Variants in PHYHIP observed in about 807,000 individuals in gnomAD.
PHYHIP encodes the protein phytanoyl-CoA hydroxylase-interacting protein.
PHYHIP carries 7 observed loss-of-function variants against 26.1 expected under a neutral mutation model. The ratio of observed to expected loss-of-function variants is 0.27; its 90% CI spans 0.15 to 0.50. PHYHIP has a LOEUF of 0.50. Among genes scored for constraint, PHYHIP ranks in the 20% least tolerant of loss-of-function variants. The pLI is 0.98. For missense variants in PHYHIP, 232 were observed against 454.7 expected (o/e 0.51, Z 4.45); for synonymous variants, 206 against 183.4 (o/e 1.12, Z -1.00).
In PHYHIP at chr8:22,221,043, A is replaced by C; in HGVS notation, c.*310T>G. Reference sequence around the variant, plus strand: ...GGAGGTGGGCAGGTCTTTGGGAGATAGAGACCTGGACGAGGCAAAGAACAG... The same window carrying C: ...GGAGGTGGGCAGGTCTTTGGGAGATCGAGACCTGGACGAGGCAAAGAACAG... On this transcript the variant is annotated 3_prime_UTR_variant, in exon 5 of 5. Transcript: ENST00000454243. The surrounding 1 kb of genome is among the most constrained non-coding windows in gnomAD (Gnocchi z 7.9). 6.3e-6 allele frequency: 2 copies of C among 317,884 alleles called. No individual in the cohort carries two copies. The highest frequency in any genetic ancestry group is 1.2e-5 in the Non-Finnish European group (2 of 171,618). 19.7% of individuals were successfully genotyped at this position (317,884 alleles called of 1,614,324 possible). A position where few individuals can be genotyped will look rare whatever the true frequency, so the allele number is the denominator to read the frequency against.
chr8:22,221,593 G>T lies in PHYHIP; in HGVS notation c.753C>A (p.Arg251=). Residue 251 remains arginine (R), a synonymous_variant, in exon 5 of 5, where the codon CGC becomes CGA. Transcript: ENST00000454243. This position sits in a 1 kb window ranked among gnomAD's most constrained non-coding sequence, Gnocchi z 7.9. ...CAATGTCCAGGAGGGGCAGGCGGTC[G>T]CGGCAGAAGCGGTCCCCCAGGGAGC... is the stretch of plus-strand genomic sequence containing the variant. ...PKGSLGDRFC[R]DRLPLLDIAC... The T allele has an allele frequency of 1.2e-6, 2 of 1,613,946 alleles. No individual in the cohort carries two copies. Among genetic ancestry groups the T allele is most frequent in the Non-Finnish European group, 1.7e-6 (2 of 1,179,954 alleles).
chr8:22,230,250 C>G (rs1586495969), intron 1 of PHYHIP, among the ~76,000 whole-genome samples: 1 of 152,040 alleles, frequency 6.6e-6, no homozygotes, highest in Middle Eastern at 3.4e-3. Context: ...CACTCCTACC[C>G]AAGAGGCCCT....
At position 22,226,879 on chromosome 8, in the gene PHYHIP, C is replaced by G; in HGVS notation, c.312G>C (p.Trp104Cys). ...QSDGEYLVSG[W>C]SETVEFCTGD... ...CAGTGCAGAACTCCACCGTCTCGCTCCAGCCGGACACCAGGTACTCCCCAT... is the reference window on the plus strand; with the variant it reads ...CAGTGCAGAACTCCACCGTCTCGCTGCAGCCGGACACCAGGTACTCCCCAT... The change falls in exon 3 of 5, where the codon TGG (tryptophan) becomes TGC (cysteine). Residue 104 changes from tryptophan to cysteine, a missense_variant. By Grantham distance (215) the Trp-to-Cys change is radical. Transcript: ENST00000454243. 6.2e-7 allele frequency: 1 copy of G among 1,613,966 alleles called. No individual in the cohort carries two copies. The highest frequency in any genetic ancestry group is 8.5e-7 in the Non-Finnish European group (1 of 1,179,944).
At chr8:22,224,004 T>A (rs1216845105) in intron 4 of PHYHIP, 5 of 530,942 alleles carry the variant, frequency 9.4e-6, no homozygotes, top group African/African-American at 5.7e-5. Flanking sequence ...TACAACACTC[T>A]TGCAGAAGGC....
chr8:22,224,676 G>A (rs1379779088), intron 3 of PHYHIP, among the ~76,000 whole-genome samples: 1 of 152,194 alleles, frequency 6.6e-6, no homozygotes, highest in Non-Finnish European at 1.5e-5. Context: ...ATCCTCATGT[G>A]AAAAGAGGAC....
At chr8:22,223,207 C>A (rs1239600510) in intron 4 of PHYHIP, among the ~76,000 whole-genome samples, 1 of 151,798 alleles carries the variant, frequency 6.6e-6, no homozygotes, top group Non-Finnish European at 1.5e-5. Flanking sequence ...ATTAAAAATA[C>A]AAAAATTAGC....
intron 2 of PHYHIP, chr8:22,227,588 G>T: frequency 2.2e-6 from 1 of 456,412 alleles, no homozygotes; most frequent in Non-Finnish European, 4.4e-6. Context: ...AGCTTGAGAG[G>T]ATGGGGGTCT....
At chr8:22,226,449 C>A (rs929292500) in intron 3 of PHYHIP, among the ~76,000 whole-genome samples, 3 of 152,128 alleles carry the variant, frequency 2.0e-5, no homozygotes, top group Non-Finnish European at 4.4e-5. Context: ...GTTCTGGAGA[C>A]TGGCTGTACA....
At chr8:22,225,834 A>G (rs942038701) in intron 3 of PHYHIP, among the ~76,000 whole-genome samples, 3 of 151,872 alleles carry the variant, frequency 2.0e-5, no homozygotes, top group Admixed American at 1.3e-4. Flanking sequence ...CAGAAGGAGA[A>G]AAAAAAGAAA....
intron 2 of PHYHIP, 145 bp from the exon 3 acceptor site, chr8:22,227,170 T>C (rs570423029): frequency 2.7e-6 from 2 of 729,956 alleles, no homozygotes; most frequent in African/African-American, 1.8e-5. Flanking sequence ...CTCCATACCC[T>C]GGCCACCATT....
In PHYHIP at chr8:22,221,392, G is replaced by A. The variant is rs772111883; in HGVS notation, c.954C>T (p.Asp318=). The change falls in exon 5 of 5, where the codon GAC becomes GAT. Residue 318 remains aspartate, a synonymous_variant. Coordinates refer to ENST00000454243, the MANE Select transcript of PHYHIP (RefSeq NM_014759.5). This position sits in a 1 kb window ranked among gnomAD's most constrained non-coding sequence, Gnocchi z 7.9. ...MSLSTADAKK[D]PSCKTCNISV... The stretch of plus-strand genomic sequence containing the variant: ...TGATGTTGCAGGTCTTGCAGCTGGG[G>A]TCCTTCTTGGCATCGGCAGTAGACA... The A allele has an allele frequency of 1.4e-5, 22 of 1,607,388 alleles. No individual in the cohort carries two copies. Among genetic ancestry groups the A allele is most frequent in the Non-Finnish European group, 1.7e-6 (2 of 1,175,240 alleles).
intron 1 of PHYHIP, among the ~76,000 whole-genome samples, chr8:22,229,656 C>T (rs1829828754): frequency 6.6e-6 from 1 of 152,174 alleles, no homozygotes; most frequent in Non-Finnish European, 1.5e-5. Context: ...TTTCCAATCC[C>T]TTCCTCCAGC....
Position 22,223,972 on chromosome 8 carries a change from C to T in PHYHIP, c.458+254G>A. On this transcript the variant is annotated intron_variant, in intron 4 of 4. Transcript: ENST00000454243. ...TCCCAGAGTGGGAGCAAACCCAGACCTCATTCTCCCAGGCTCATTAGTACA... is the reference window on the plus strand; with the variant it reads ...TCCCAGAGTGGGAGCAAACCCAGACTTCATTCTCCCAGGCTCATTAGTACA... The T allele has an allele frequency of 8.9e-6, 4 of 448,742 alleles. No homozygotes were observed. The South Asian group carries it at 1.1e-4, about 12-fold the overall frequency. The allele number at this position is 448,742 out of a possible 1,614,324, so 27.8% of individuals were successfully genotyped here.
chr8:22,224,947 G>A (rs563359178), intron 3 of PHYHIP, among the ~76,000 whole-genome samples: 1 of 152,270 alleles, frequency 6.6e-6, no homozygotes, highest in African/African-American at 2.4e-5. Flanking sequence ...GAACCCTGGG[G>A]CCCCAGCAAG....
Position 22,226,945 on chromosome 8 carries a change from C to A in PHYHIP, c.246G>T (p.Thr82=). 1 of 1,614,102 alleles carries A rather than the reference C, an allele frequency of 6.2e-7. No individual in the cohort carries two copies. The highest frequency in any genetic ancestry group is 8.5e-7 in the Non-Finnish European group (1 of 1,180,032). The change falls in exon 3 of 5, where the codon ACG becomes ACT. Residue 82 remains threonine (T), a synonymous_variant. Transcript: ENST00000454243. ...CCGTCTGCACGGCCACACTGTACTC[C>A]GTGCGGGGGCTCAGGAACCAGTGGC... ...VRGHWFLSPR[T]EYSVAVQTAV... is the part of the protein sequence containing the mutation.
At chr8:22,227,589 A>G (rs1041664415) in intron 2 of PHYHIP, 1 of 456,184 alleles carries the variant, frequency 2.2e-6, no homozygotes, top group African/African-American at 2.0e-5. Flanking sequence ...GCTTGAGAGG[A>G]TGGGGGTCTT....
intron 4 of PHYHIP, 135 bp from the exon 5 acceptor site, chr8:22,222,022 T>C: frequency 1.5e-6 from 1 of 675,876 alleles, no homozygotes; most frequent in Non-Finnish European, 2.5e-6. Flanking sequence ...CCGCCTCCAC[T>C]AGTCGCAAAT....
Position 22,226,834 on chromosome 8 carries a change from T to A in PHYHIP, c.340+17A>T, listed in dbSNP as rs753493071. On this transcript the variant is annotated intron_variant, in intron 3 of 4. Transcript: ENST00000454243. ...CGTGCCAAGCAGCAGGACAGGGGTG[T>A]GATAGCAGGGCCTCACCCCCAGTGC... The A allele has an allele frequency of 6.2e-7, 1 of 1,602,350 alleles. No homozygotes were observed. The highest frequency in any genetic ancestry group is 1.7e-5 in the Admixed American group (1 of 59,266).
intron 1 of PHYHIP, chr8:22,228,973 C>G (rs897380046): frequency 6.6e-6 from 1 of 152,322 alleles, no homozygotes; most frequent in Non-Finnish European, 1.5e-5. Flanking sequence ...GTACGCGGCA[C>G]AGCCGGCTTC....
Sources: gnomAD v4.1 joint callset for allele counts (sites outside exome capture counted in the v4.1 genomes callset) on GRCh38, gnomAD v4.1.1 for gene constraint, Gnocchi (gnomAD v3.1) non-coding constraint, MANE v1.5 for transcripts, NCBI Gene and HGNC (gene_info 2026-07-23, HGNC 2026-07-21) for gene names.